RP1: variants seen among roughly 807,000 people sequenced by gnomAD.
RP1 encodes oxygen-regulated protein 1.
In RP1, 16 loss-of-function variants were observed where a neutral mutation model predicts 14.8. That is an observed-to-expected ratio of 1.08 (90% CI 0.73 to 1.65). RP1 has a LOEUF of 1.65. Ranked by LOEUF, RP1 falls within the 40% of genes most tolerant of loss-of-function variation. The probability of loss-of-function intolerance (pLI) is 0.00; values close to 1 mark genes in which losing one functional copy is unlikely to be tolerated. For synonymous variants in RP1, 876 were observed against 883.6 expected (o/e 0.99, Z 0.15); for missense variants, 2,631 against 2,535.0 (o/e 1.04, Z -0.81).
intron 12 of RP1, among the ~76,000 whole-genome samples, chr8:54,694,796 G>C (rs1259963087): frequency 6.6e-6 from 1 of 151,914 alleles, no homozygotes; most frequent in Non-Finnish European, 1.5e-5. Context: ...ATTTTTTATA[G>C]GGTTTTTTGT....
chr8:54,835,552 A>T (rs1372351192), intron 24 of RP1, among the ~76,000 whole-genome samples: 1 of 152,098 alleles, frequency 6.6e-6, no homozygotes, highest in East Asian at 1.9e-4. Flanking sequence ...TTTAGATTAG[A>T]TATATTTAGA....
At chr8:54,652,855 C>T (rs1416311964) in exon 5 of RP1, 1 of 1,534,782 alleles carries the variant, frequency 6.5e-7, no homozygotes, top group Non-Finnish European at 8.7e-7. Context: ...CCCTTCCTGG[C>T]ACTGCAAGGA....
At chr8:54,776,787 G>A (rs1810051330) in intron 23 of RP1, among the ~76,000 whole-genome samples, 1 of 152,176 alleles carries the variant, frequency 6.6e-6, no homozygotes, top group African/African-American at 2.4e-5. Context: ...CACCTGGAAA[G>A]AATTTGATAT....
chr8:54,679,401 T>C (rs1241739503), intron 9 of RP1: 17 of 1,527,466 alleles, frequency 1.1e-5, no homozygotes, highest in African/African-American at 2.7e-5. Flanking sequence ...AAATAATCGA[T>C]ACACTTTTCT....
At chr8:54,597,736 A>G (rs982402991) in intron 1 of RP1, among the ~76,000 whole-genome samples, 1 of 152,212 alleles carries the variant, frequency 6.6e-6, no homozygotes, top group Non-Finnish European at 1.5e-5. Context: ...ATGCCAGACA[A>G]AAGACCTCCA....
At chr8:54,681,489 TGTG>T (rs1807429023) in intron 12 of RP1, among the ~76,000 whole-genome samples, 2 of 141,206 alleles carry the variant, frequency 1.4e-5, no homozygotes, top group African/African-American at 5.1e-5. Context: ...GATTTGTGTG[TGTG>T]TGTGTGTGTG....
Position 54,639,738 on chromosome 8 carries a change from C to G in RP1, c.788-9247C>G, listed in dbSNP as rs140241462. On this transcript the variant is annotated intron_variant, in intron 3 of 22. Transcript: ENST00000636932. Reference sequence around the variant, plus strand: ...GTTTTCAAATTTATTTTCTGTTGGGCATTTGAAATCTAGAGCTGCAAGAGT... The same window carrying G: ...GTTTTCAAATTTATTTTCTGTTGGGGATTTGAAATCTAGAGCTGCAAGAGT... Among the ~76,000 whole-genome samples the G allele has an allele frequency of 8.5e-5, 13 of 152,254 alleles. No homozygotes were observed. In the East Asian group the frequency reaches 2.5e-3, roughly 29 times the overall value.
intron 17 of RP1, among the ~76,000 whole-genome samples, chr8:54,727,373 C>G (rs1322858947): frequency 6.6e-6 from 1 of 152,024 alleles, no homozygotes; most frequent in Non-Finnish European, 1.5e-5. Context: ...AGAATTCAGT[C>G]TTGTGTCAGG....
chr8:54,650,813 T>C (rs112184876), intron 4 of RP1, among the ~76,000 whole-genome samples: 12 of 151,928 alleles, frequency 7.9e-5, no homozygotes, highest in African/African-American at 2.9e-4. Flanking sequence ...CAGTGTTGAA[T>C]AGAAGTAGCA....
chr8:54,790,126 G>A, intron 24 of RP1, among the ~76,000 whole-genome samples: 1 of 152,178 alleles, frequency 6.6e-6, no homozygotes, highest in East Asian at 1.9e-4. Flanking sequence ...CCAGCCAGTG[G>A]CTCCATCTTG....
chr8:54,692,106 G>T (rs1807728362), intron 12 of RP1, among the ~76,000 whole-genome samples: 2 of 151,648 alleles, frequency 1.3e-5, no homozygotes, highest in Non-Finnish European at 2.9e-5. Flanking sequence ...TGAGAATGAT[G>T]ATTTCCAATT....
intron 15 of RP1, among the ~76,000 whole-genome samples, chr8:54,708,325 TC>T (rs1808199918): frequency 6.6e-6 from 1 of 151,628 alleles, no homozygotes; most frequent in Non-Finnish European, 1.5e-5. Context: ...TTTAGCTGCC[TC>T]ATACTCTAGC....
At chr8:54,724,292 A>G (rs531696561) in intron 16 of RP1, among the ~76,000 whole-genome samples, 2 of 152,350 alleles carry the variant, frequency 1.3e-5, no homozygotes, top group African/African-American at 2.4e-5. Flanking sequence ...AATAATTGCT[A>G]TTATGTAAGT....
chr8:54,775,569 G>A (rs1810015184), intron 23 of RP1, among the ~76,000 whole-genome samples: 2 of 152,262 alleles, frequency 1.3e-5, no homozygotes, highest in Middle Eastern at 3.4e-3. Flanking sequence ...CATTGAGAGA[G>A]CCATCTTGGA....
intron 22 of RP1, among the ~76,000 whole-genome samples, chr8:54,766,836 G>A (rs75458745): frequency 0.029 from 4,382 of 152,258 alleles, 123 homozygotes; most frequent in African/African-American, 0.064. Flanking sequence ...AGGGGTTTAG[G>A]CATTCTTTAG....
chr8:54,864,586 T>A (rs1812419262), intron 27 of RP1, among the ~76,000 whole-genome samples: 1 of 152,212 alleles, frequency 6.6e-6, no homozygotes, highest in Non-Finnish European at 1.5e-5. Context: ...ATTATTAAGA[T>A]GGCTTGCATA....
intron 12 of RP1, among the ~76,000 whole-genome samples, chr8:54,698,661 G>T (rs1446727600): frequency 1.3e-5 from 2 of 152,118 alleles, no homozygotes; most frequent in African/African-American, 2.4e-5. Flanking sequence ...ATGATAGACT[G>T]GATAAAGAAA....
At chr8:54,609,466 A>C (rs424388) in intron 1 of RP1, among the ~76,000 whole-genome samples, 69,772 of 151,924 alleles carry the variant, frequency 0.46, 17,835 homozygotes, top group African/African-American at 0.67. Context: ...ACAAACCAAA[A>C]GAAAACCGAA....
At chr8:54,852,018 A>G (rs1303332007) in intron 25 of RP1, among the ~76,000 whole-genome samples, 1 of 152,192 alleles carries the variant, frequency 6.6e-6, no homozygotes, top group East Asian at 1.9e-4. Context: ...AATTTGCCTT[A>G]ATTCTAAGGA....
Sources: allele counts gnomAD v4.1 joint callset (sites outside exome capture counted in the v4.1 genomes callset), GRCh38; gene constraint gnomAD v4.1.1; transcripts MANE v1.5; gene names NCBI Gene and HGNC (gene_info 2026-07-23, HGNC 2026-07-21).